Variants in MED16 observed in about 807,000 individuals in gnomAD.
MED16 encodes mediator complex subunit 16.
In MED16, 81 loss-of-function variants were observed where a neutral mutation model predicts 84.4. The ratio of observed to expected loss-of-function variants is 0.96; its 90% CI spans 0.80 to 1.15. MED16 has a LOEUF of 1.15. Ranked by LOEUF, MED16 falls within the 50% of genes most tolerant of loss-of-function variation. The pLI, the probability that MED16 is intolerant of heterozygous loss-of-function variation, is 0.00. For synonymous variants in MED16, 897 were observed against 552.2 expected, an observed-to-expected ratio of 1.62 and a Z score of -8.76; for missense variants, 1,585 against 1,245.9, an observed-to-expected ratio of 1.27 and a Z score of -4.10.
In MED16 at chr19:868,157, G is replaced by A. The variant is rs142254775; in HGVS notation, c.2578C>T (p.His860Tyr). The A allele has an allele frequency of 7.4e-6, 12 of 1,611,674 alleles. No individual in the cohort carries two copies. The highest frequency in any genetic ancestry group is 2.7e-5 in the African/African-American group (2 of 74,882). The change falls in exon 16 of 16, where the codon CAC becomes TAC. Residue 860 changes from histidine (H) to tyrosine (Y), a missense_variant. By Grantham distance (83) the His-to-Tyr change is moderately conservative (BLOSUM62 2). Transcript: ENST00000325464. The stretch of plus-strand genomic sequence containing the variant: ...AGGGATCTGGGGGTCCTGGGAGAGT[G>A]GTGTGTGGACTGCGGGCCCAGCTGG... ...FVQLGPQSTHHSPRTPRSLDH... is the reference protein window; with the variant it reads ...FVQLGPQSTHYSPRTPRSLDH...
chr19:885,607 A>G (rs887284090), intron 5 of MED16, among the ~76,000 whole-genome samples, 163 bp downstream of exon 5: 2 of 152,104 alleles, frequency 1.3e-5, no homozygotes, highest in Non-Finnish European at 2.9e-5. Flanking sequence ...ATGCTGGGAA[A>G]GGCAGAAAAT....
chr19:871,486 A>G (rs1016046475), intron 12 of MED16: 11 of 1,475,952 alleles, frequency 7.5e-6, no homozygotes, highest in East Asian at 2.5e-5. Flanking sequence ...AGACTCCCTC[A>G]TTCACTTAAA....
intron 8 of MED16, among the ~76,000 whole-genome samples, chr19:878,508 C>G (rs2036322989): frequency 6.9e-6 from 1 of 145,534 alleles, no homozygotes; most frequent in East Asian, 2.2e-4. Flanking sequence ...CCAGCCCCAG[C>G]CCCACGTGCC....
In MED16 at chr19:872,087, A is replaced by C; in HGVS notation, c.1937T>G (p.Leu646Arg). 6.2e-7 allele frequency: 1 copy of C among 1,608,760 alleles called. No individual in the cohort carries two copies. Among genetic ancestry groups the C allele is most frequent in the South Asian group, 1.1e-5 (1 of 90,794 alleles). ...CATGCCCAGCGAGGTGCCGTCCCGC[A>C]GAAAGCTGTGGCCCGGCCTCAGCAG... ...GSLLRPGHSFLRDGTSLGMLR... is the reference protein window; with the variant it reads ...GSLLRPGHSFRRDGTSLGMLR... The change falls in exon 12 of 16, where the codon CTG becomes CGG. Residue 646 changes from leucine (L) to arginine (R), a missense_variant. Leu to Arg is a moderately radical substitution (Grantham distance 102). Coordinates refer to ENST00000325464, the MANE Select transcript of MED16 (RefSeq NM_005481.3).
chr19:872,212 G>C (rs1235755304), intron 11 of MED16, 94 bp from the exon 12 acceptor site: 1 of 1,035,638 alleles, frequency 9.7e-7, no homozygotes, highest in East Asian at 2.6e-5. Context: ...CGACCGGGGG[G>C]CAATGGGCAG....
rs374486555 is a variant in MED16 at position 875,314 on chromosome 19, G to A, written c.1701C>T (p.His567=). The A allele has an allele frequency of 2.5e-6, 4 of 1,610,956 alleles. No individual in the cohort carries two copies. The highest frequency in any genetic ancestry group is 3.4e-6 in the Non-Finnish European group (4 of 1,179,840). Residue 567 remains histidine (H), a synonymous_variant, in exon 10 of 16, where the codon CAC becomes CAT. Transcript: ENST00000325464. ...SSTLKSLLRP[H]FLNTPDKSPG... ...GGCTCTTGTCAGGCGTGTTGAGAAA[G>A]TGGGGGCGCAGCAGCGACTTCAGGG...
At chr19:889,330 G>A (rs935469674) in intron 4 of MED16, among the ~76,000 whole-genome samples, 7 of 152,132 alleles carry the variant, frequency 4.6e-5, no homozygotes, top group Admixed American at 2.6e-4. Context: ...GCTACCTAAG[G>A]ACAGTAGCCT....
At chr19:880,832 G>A (rs2036405845) in intron 7 of MED16, among the ~76,000 whole-genome samples, 1 of 151,912 alleles carries the variant, frequency 6.6e-6, no homozygotes, top group Non-Finnish European at 1.5e-5. Context: ...GAGGCAGGAA[G>A]GAGAATCGCT....
At chr19:875,963 C>T (rs778663529) in intron 9 of MED16, among the ~76,000 whole-genome samples, 3 of 152,162 alleles carry the variant, frequency 2.0e-5, no homozygotes, top group South Asian at 2.1e-4. Flanking sequence ...ATAGAAACAA[C>T]TAAAAACAAA....
chr19:877,980 G>A (rs1304312608), intron 8 of MED16, among the ~76,000 whole-genome samples: 4 of 33,594 alleles, frequency 1.2e-4, no homozygotes, highest in Non-Finnish European at 1.6e-4. Flanking sequence ...CCAGCCCCAC[G>A]TGCCCCAGCA....
rs552724286 is a variant in MED16 at position 885,764 on chromosome 19, G to A, written c.879+6C>T. 6.8e-5 allele frequency: 109 copies of A among 1,603,958 alleles called. No homozygotes were observed. Among genetic ancestry groups the A allele is most frequent in the Admixed American group, 4.5e-4 (27 of 59,972 alleles). ...CCAGCCCACGTGATGGCCTGCGCCCGTTCACCTGCTCCGACATGTCCCGGG... is the reference window on the plus strand; with the variant it reads ...CCAGCCCACGTGATGGCCTGCGCCCATTCACCTGCTCCGACATGTCCCGGG... On this transcript the variant is annotated splice_donor_region_variant and intron_variant, in intron 5 of 15. Transcript: ENST00000325464.
intron 3 of MED16, 84 bp downstream of exon 3, chr19:890,053 C>G: frequency 1.8e-6 from 2 of 1,117,822 alleles, no homozygotes; most frequent in Non-Finnish European, 2.6e-6. Context: ...CAGCGCCGGA[C>G]TCCAGACTGA....
chr19:884,590 C>T (rs555317694), intron 6 of MED16, among the ~76,000 whole-genome samples: 4 of 152,340 alleles, frequency 2.6e-5, no homozygotes, highest in South Asian at 4.1e-4. Flanking sequence ...GCCGCCCACA[C>T]GCCTGCAGCC....
At chr19:880,447 G>A (rs1384905664) in intron 7 of MED16, among the ~76,000 whole-genome samples, 3 of 152,204 alleles carry the variant, frequency 2.0e-5, no homozygotes, top group African/African-American at 4.8e-5. Context: ...GGGGAGGGGG[G>A]CACTACAGGT....
Position 884,963 on chromosome 19 carries a change from A to G in MED16, c.925T>C (p.Trp309Arg). The change falls in exon 6 of 16, where the codon TGG (tryptophan) becomes CGG (arginine). Residue 309 changes from tryptophan to arginine, a missense_variant. Transcript: ENST00000325464. ...SSQTSSIVEC[W>R]SLRKEGLPVN... ...GGGAGTCCCTCCTTGCGCAGGGACC[A>G]GCACTCCACGATGCTGCTGGTCTGG... 1 of 1,609,254 alleles carries G rather than the reference A, an allele frequency of 6.2e-7. No individual in the cohort carries two copies. Among genetic ancestry groups the G allele is most frequent in the Non-Finnish European group, 8.5e-7 (1 of 1,179,278 alleles).
Position 871,942 on chromosome 19 carries a change from G to C in MED16, c.2082C>G (p.Thr694=), listed in dbSNP as rs772006974. 68 of 1,599,970 alleles carry C rather than the reference G, an allele frequency of 4.3e-5. No individual in the cohort carries two copies. The Admixed American group carries it at 1.1e-3, about 26-fold the overall frequency. ...GTGCCTCACAGCAGATCCAGAGCTT[G>C]GTGAGCAGGCGGAAGAGCAGGGACA... ...DSMSLLFRLL[T]KLWICCRDEG... is the part of the protein sequence containing the mutation. The change falls in exon 12 of 16, where the codon ACC becomes ACG. Residue 694 remains threonine, a synonymous_variant. Coordinates refer to ENST00000325464, the MANE Select transcript of MED16 (RefSeq NM_005481.3).
chr19:886,726 A>T (rs1465801658), intron 4 of MED16, among the ~76,000 whole-genome samples: 1 of 152,252 alleles, frequency 6.6e-6, no homozygotes, highest in African/African-American at 2.4e-5. Flanking sequence ...CAAATTTGTC[A>T]AGTCATTATT....
At chr19:875,479 C>T in intron 9 of MED16, 25 bp from the exon 10 acceptor site, 1 of 1,579,452 alleles carries the variant, frequency 6.3e-7, no homozygotes, top group East Asian at 2.3e-5. Flanking sequence ...CCAGGTCACC[C>T]CAAGGGGCCG....
In MED16 at chr19:875,369, G is replaced by C; in HGVS notation, c.1646C>G (p.Thr549Ser). 2 of 1,610,020 alleles carry C rather than the reference G, an allele frequency of 1.2e-6. No individual in the cohort carries two copies. The highest frequency in any genetic ancestry group is 4.5e-5 in the East Asian group (2 of 44,868). Residue 549 changes from threonine to serine, a missense_variant, in exon 10 of 16, where the codon ACC becomes AGC. Physicochemically the swap from Thr to Ser is moderately conservative, Grantham distance 58 (BLOSUM62 1). Transcript: ENST00000325464. The part of the protein sequence containing the change: ...CTVTRVCDYH[T>S]KLFLIAISST... ...GCTGATGGCGATGAGGAAGAGCTTG[G>C]TGTGGTAGTCGCACACGCGGGTCAC...
Sources: gnomAD v4.1 joint callset for allele counts (sites outside exome capture counted in the v4.1 genomes callset) on GRCh38, gnomAD v4.1.1 for gene constraint, MANE v1.5 for transcripts, NCBI Gene and HGNC (gene_info 2026-07-23, HGNC 2026-07-21) for gene names.